The following TNKS variants were observed in gnomAD, a reference collection of about 807,000 sequenced individuals.
TNKS encodes the protein poly [ADP-ribose] polymerase tankyrase-1.
TNKS carries 72 observed loss-of-function variants against 135.8 expected under a neutral mutation model. The observed-to-expected ratio is 0.53, with a 90% CI of 0.44 to 0.64. The LOEUF (loss-of-function observed/expected upper bound fraction) is 0.64, where lower values mean the gene tolerates loss of function less well. Among genes scored for constraint, TNKS ranks in the 30% least tolerant of loss-of-function variants. TNKS has a pLI of 0.00. For missense variants in TNKS, 1,769 were observed against 1,674.0 expected (o/e 1.06, Z -0.99); for synonymous variants, 849 against 649.3 (o/e 1.31, Z -4.68).
At position 9,776,861 on chromosome 8, in the gene TNKS, C is replaced by A; in HGVS notation, c.*125C>A. ...AGCCTAGAAATAAGCTGTTTGTCTT[C>A]TATAAAGCATTGCTATAGTGATGAA... On this transcript the variant is annotated 3_prime_UTR_variant, in exon 27 of 27. Transcript: ENST00000310430. 1 of 865,802 alleles carries A rather than the reference C, an allele frequency of 1.2e-6. No individual in the cohort carries two copies. The highest frequency in any genetic ancestry group is 1.6e-5 in the South Asian group (1 of 62,414). The allele number at this position is 865,802 out of a possible 1,614,324, so 53.6% of individuals were successfully genotyped here. A position where few individuals can be genotyped will look rare whatever the true frequency, so the allele number is the denominator to read the frequency against.
chr8:9,661,512 G>A (rs570821950), intron 3 of TNKS, among the ~76,000 whole-genome samples: 30 of 152,086 alleles, frequency 2.0e-4, no homozygotes, highest in African/African-American at 6.5e-4. Context: ...AAATGGTGCT[G>A]GGAAAACTGG....
intron 5 of TNKS, among the ~76,000 whole-genome samples, chr8:9,698,120 G>A (rs1402322031): frequency 1.3e-5 from 2 of 152,080 alleles, no homozygotes; most frequent in Non-Finnish European, 2.9e-5. Context: ...TGGAGCCAGA[G>A]GCCATTAACC....
rs1277372204 is a variant in TNKS at position 9,778,744 on chromosome 8, T to C, written c.*2008T>C. 3 of 152,424 alleles carry C rather than the reference T, an allele frequency of 2.0e-5. No homozygotes were observed. Among genetic ancestry groups the C allele is most frequent in the Non-Finnish European group, 4.4e-5 (3 of 68,042 alleles). The allele number at this position is 152,424 out of a possible 1,614,324, so 9.4% of individuals were successfully genotyped here. ...TTGAAGAAATTGCCATCTGTGTAGT[T>C]TTCAGTAGCTGTCAAGTGTGTCTTA... On this transcript the variant is annotated 3_prime_UTR_variant, in exon 27 of 27. Transcript: ENST00000310430.
intron 3 of TNKS, among the ~76,000 whole-genome samples, chr8:9,672,364 C>A (rs1023329125): frequency 6.6e-6 from 1 of 151,940 alleles, no homozygotes; most frequent in Non-Finnish European, 1.5e-5. Flanking sequence ...AAACACCCCC[C>A]GTGGAGACTG....
In TNKS at chr8:9,642,103, A is replaced by T. The variant is rs1800752207; in HGVS notation, c.994+26426A>T. Among the ~76,000 whole-genome samples, 2 of 145,778 alleles carry T rather than the reference A, an allele frequency of 1.4e-5. 1 individual carries two copies. Among genetic ancestry groups the T allele is most frequent in the Admixed American group, 1.4e-4 (2 of 13,852 alleles). The stretch of plus-strand genomic sequence containing the variant: ...GATGAGAAAACTTTAGCGTCTAAAG[A>T]ATCTGAAAATAGCCTGGTGAAATTT... On this transcript the variant is annotated intron_variant, in intron 3 of 26. Coordinates refer to ENST00000310430, the MANE Select transcript of TNKS (RefSeq NM_003747.3).
chr8:9,672,653 G>GT (rs1802330886), intron 3 of TNKS, among the ~76,000 whole-genome samples: 1 of 79,852 alleles, frequency 1.3e-5, no homozygotes, highest in South Asian at 5.2e-4. Context: ...CACTGTGATG[G>GT]TAAAAAAAAA....
intron 2 of TNKS, among the ~76,000 whole-genome samples, chr8:9,613,955 C>T (rs1177405085): frequency 6.6e-6 from 1 of 152,214 alleles, no homozygotes. Context: ...AAAGCAGGTT[C>T]TGCAGTTCCT....
At chr8:9,717,191 T>G (rs959518426) in intron 11 of TNKS, among the ~76,000 whole-genome samples, 4 of 148,552 alleles carry the variant, frequency 2.7e-5, no homozygotes, top group Non-Finnish European at 4.5e-5. Context: ...AGAAATCCAG[T>G]TCCGTACTCT....
Position 9,556,229 on chromosome 8 carries a change from G to C in TNKS, c.290G>C (p.Cys97Ser). The change falls in exon 1 of 27, where the codon TGT (cysteine) becomes TCT (serine). Residue 97 changes from cysteine to serine, a missense_variant. By Grantham distance (112) the Cys-to-Ser change is moderately radical. This residue lies in a region of TNKS where 450 missense variants were observed against 304.9 expected (regional missense o/e 1.48). Transcript: ENST00000310430. ...TGTTGCAGTACCACCAGCACAATCT[G>C]TACCGTCGCCGCCGCTCCCGTGGTC... ...TSCCSTTSTI[C>S]TVAAAPVVPA... 2 of 1,614,168 alleles carry C rather than the reference G, an allele frequency of 1.2e-6. No homozygotes were observed. Among genetic ancestry groups the C allele is most frequent in the Non-Finnish European group, 1.7e-6 (2 of 1,180,038 alleles).
chr8:9,577,534 G>A (rs1470352050), intron 1 of TNKS, among the ~76,000 whole-genome samples: 1 of 152,130 alleles, frequency 6.6e-6, no homozygotes, highest in South Asian at 2.1e-4. Flanking sequence ...TATGGTCAGG[G>A]AAGGAGGCAG....
rs1808369281 is a variant in TNKS, at chr8:9,779,389, A to G, written c.*2653A>G. The G allele has an allele frequency of 1.3e-5, 2 of 152,288 alleles. No homozygotes were observed. The highest frequency in any genetic ancestry group is 4.8e-5 in the African/African-American group (2 of 41,424). The allele number at this position is 152,288 out of a possible 1,614,324, so 9.4% of individuals were successfully genotyped here. A position where few individuals can be genotyped will look rare whatever the true frequency, so the allele number is the denominator to read the frequency against. ...AAGTTAGGATCATCCAATATGGCCT[A>G]CCCCGAAATGGCCCCTCTGTTTCCC... On this transcript the variant is annotated 3_prime_UTR_variant, in exon 27 of 27. Transcript: ENST00000310430.
chr8:9,571,177 A>T (rs1326984688), intron 1 of TNKS, among the ~76,000 whole-genome samples: 1 of 152,174 alleles, frequency 6.6e-6, no homozygotes, highest in Non-Finnish European at 1.5e-5. Context: ...AGGAAGCTAC[A>T]CCAAAAACTA....
At chr8:9,661,135 T>A (rs939214478) in intron 3 of TNKS, among the ~76,000 whole-genome samples, 2 of 151,922 alleles carry the variant, frequency 1.3e-5, no homozygotes, top group African/African-American at 4.8e-5. Flanking sequence ...GAAGAATCAA[T>A]ATCGTGAAAA....
chr8:9,734,691 G>C (rs1805601772), intron 15 of TNKS, among the ~76,000 whole-genome samples, 174 bp from the exon 16 acceptor site: 1 of 152,194 alleles, frequency 6.6e-6, no homozygotes, highest in African/African-American at 2.4e-5. Context: ...TTAATAGTTA[G>C]AAAGCTGATC....
chr8:9,573,248 C>T (rs1335022630), intron 1 of TNKS, among the ~76,000 whole-genome samples: 3 of 152,128 alleles, frequency 2.0e-5, no homozygotes, highest in Non-Finnish European at 4.4e-5. Context: ...ATTGGTGAAT[C>T]AAGCAGCCTC....
intron 5 of TNKS, among the ~76,000 whole-genome samples, chr8:9,701,490 G>T (rs1427027133): frequency 6.6e-6 from 1 of 152,172 alleles, no homozygotes. Context: ...AGCAGTCCTT[G>T]TCTGTGGAGG....
chr8:9,763,848 G>A (rs1379069844), intron 22 of TNKS, among the ~76,000 whole-genome samples: 1 of 152,058 alleles, frequency 6.6e-6, no homozygotes, highest in Non-Finnish European at 1.5e-5. Context: ...CTACCCAATT[G>A]TGTTATGCAC....
At chr8:9,754,300 A>G (rs1260397462) in intron 20 of TNKS, among the ~76,000 whole-genome samples, 4 of 152,182 alleles carry the variant, frequency 2.6e-5, no homozygotes, top group African/African-American at 9.7e-5. Flanking sequence ...CACCCTTTCA[A>G]TCACCCACCT....
At chr8:9,644,089 A>C (rs1259330685) in intron 3 of TNKS, among the ~76,000 whole-genome samples, 1 of 152,196 alleles carries the variant, frequency 6.6e-6, no homozygotes, top group East Asian at 1.9e-4. Flanking sequence ...GACAGAAAGT[A>C]AACTAGTGGT....
Sources: allele counts gnomAD v4.1 joint callset (sites outside exome capture counted in the v4.1 genomes callset), GRCh38; gene constraint gnomAD v4.1.1; regional missense constraint gnomAD v4.1.1; transcripts MANE v1.5; gene names NCBI Gene and HGNC (gene_info 2026-07-23, HGNC 2026-07-21).